The following AMMECR1L variants were observed in gnomAD, a reference collection of about 807,000 sequenced individuals.
AMMECR1L encodes the protein AMMECR1 like, also known as AMMECR1-like protein.
Under a neutral mutation model 36.8 loss-of-function variants are expected in AMMECR1L, and 4 were observed. That is an observed-to-expected ratio of 0.11 (90% CI 0.05 to 0.25). AMMECR1L has a LOEUF of 0.25. Among genes scored for constraint, AMMECR1L ranks in the 10% least tolerant of loss-of-function variants. The pLI is 1.00. For synonymous variants in AMMECR1L, 147 were observed against 148.0 expected (o/e 0.99, Z 0.05); for missense variants, 232 against 392.1 (o/e 0.59, Z 3.45).
intron 3 of AMMECR1L, among the ~76,000 whole-genome samples, chr2:127,872,630 C>G (rs1224606803): frequency 6.6e-6 from 1 of 152,196 alleles, no homozygotes; most frequent in Non-Finnish European, 1.5e-5. Flanking sequence ...CAATAAAGCA[C>G]CTGCACAGCA....
chr2:127,875,799 C>CTT lies in AMMECR1L; in HGVS notation c.-38-1528_-38-1527insAA, dbSNP rs1553490139. ...CCCCTCTCCTCTTCTCTCTCTCTCT[C>CTT]TCTTTTTCTTTAAGAGACAGGTCTC... is the stretch of plus-strand genomic sequence containing the variant. On this transcript the variant is annotated intron_variant, in intron 2 of 7. Coordinates refer to ENST00000272647, the MANE Select transcript of AMMECR1L (RefSeq NM_001199140.2). Among the ~76,000 whole-genome samples, 296 of 151,382 alleles carry CTT rather than the reference C, an allele frequency of 2.0e-3. 3 individuals are homozygous for CTT. Among genetic ancestry groups the CTT allele is most frequent in the African/African-American group, 6.9e-3 (284 of 41,218 alleles).
intron 5 of AMMECR1L, among the ~76,000 whole-genome samples, chr2:127,870,290 G>T (rs191395493): frequency 0.012 from 1,759 of 149,930 alleles, 20 homozygotes; most frequent in Non-Finnish European, 0.018. Context: ...CTCCAGCCTG[G>T]CGACAGAGCG....
rs1000280971 is a variant in AMMECR1L, at chr2:127,861,841, T to C, written c.*3253A>G. ...AGCTCCCTAGGCTCCAGAATCTCAA[T>C]AGAAAATAACGTCAACAGTTAGTGA... On this transcript the variant is annotated 3_prime_UTR_variant, in exon 8 of 8. Coordinates refer to ENST00000272647, the MANE Select transcript of AMMECR1L (RefSeq NM_001199140.2). 7 of 152,330 alleles carry C rather than the reference T, an allele frequency of 4.6e-5. No homozygotes were observed. The East Asian group carries it at 5.8e-4, about 13-fold the overall frequency. The allele number at this position is 152,330 out of a possible 1,614,324, so 9.4% of individuals were successfully genotyped here.
chr2:127,881,326 C>CTTTTTTTTTTTTTTTTT (rs1553491254), intron 2 of AMMECR1L, among the ~76,000 whole-genome samples: 1 of 150,592 alleles, frequency 6.6e-6, no homozygotes. Context: ...ATTGAGACTG[C>CTTTTTTTTTTTTTTTTT]TATTGACACA....
In AMMECR1L at chr2:127,872,458, G is replaced by T. The variant is rs569690271; in HGVS notation, c.408-1099C>A. ...CAGATTTTTTAGCAAGAGGTTTCAA[G>T]GCCTGTTCCCTCTTCCTGAAATCCC... On this transcript the variant is annotated intron_variant, in intron 3 of 7. Coordinates refer to ENST00000272647, the MANE Select transcript of AMMECR1L (RefSeq NM_001199140.2). 5.4e-4 allele frequency among the ~76,000 whole-genome samples: 82 copies of T among 152,270 alleles called. 1 individual carries two copies. Among genetic ancestry groups the T allele is most frequent in the Admixed American group, 2.3e-3 (35 of 15,300 alleles).
At chr2:127,870,758 T>C in intron 5 of AMMECR1L, 56 bp downstream of exon 5, 1 of 1,413,374 alleles carries the variant, frequency 7.1e-7, no homozygotes, top group Non-Finnish European at 9.8e-7. Flanking sequence ...TGCCATGTAC[T>C]AACCCGAACC....
intron 2 of AMMECR1L, among the ~76,000 whole-genome samples, chr2:127,883,120 CAG>C (rs1276386372): frequency 1.4e-5 from 2 of 142,866 alleles, no homozygotes; most frequent in South Asian, 4.5e-4. Context: ...TTTTTTTAGA[CAG>C]AGTCTCGCTC....
rs1221828560 is a variant in AMMECR1L, at chr2:127,864,853, A to G, written c.*241T>C. 1.5e-5 allele frequency: 5 copies of G among 335,798 alleles called. No homozygotes were observed. The highest frequency in any genetic ancestry group is 2.8e-5 in the Non-Finnish European group (5 of 181,352). The allele number at this position is 335,798 out of a possible 1,614,324, so 20.8% of individuals were successfully genotyped here. On this transcript the variant is annotated 3_prime_UTR_variant, in exon 8 of 8. Coordinates refer to ENST00000272647, the MANE Select transcript of AMMECR1L (RefSeq NM_001199140.2). ...TCCCACTAGTCATGGAGGAGCCCCAATCCAACGGAACCCCATATTGAGGAA... is the reference window on the plus strand; with the variant it reads ...TCCCACTAGTCATGGAGGAGCCCCAGTCCAACGGAACCCCATATTGAGGAA...
In AMMECR1L at chr2:127,870,803, G is replaced by A; in HGVS notation, c.633+11C>T. ...CGAGAGATGCAGAGTTCCAAATGCG[G>A]CTGTTCTCACCTCCCAGTCCAGGTA... On this transcript the variant is annotated intron_variant, in intron 5 of 7. Transcript: ENST00000272647. 1 of 1,600,304 alleles carries A rather than the reference G, an allele frequency of 6.2e-7. No homozygotes were observed. Among genetic ancestry groups the A allele is most frequent in the East Asian group, 2.2e-5 (1 of 44,820 alleles).
chr2:127,885,607 G>A, intron 1 of AMMECR1L: 2 of 981,868 alleles, frequency 2.0e-6, no homozygotes, highest in Non-Finnish European at 2.4e-6. Context: ...GCCCTCCGCT[G>A]GGACATGGCC....
At chr2:127,866,813 G>C (rs932072528) in intron 7 of AMMECR1L, 87 bp downstream of exon 7, 2 of 1,276,838 alleles carry the variant, frequency 1.6e-6, no homozygotes, top group Non-Finnish European at 2.2e-6. Context: ...CATTCACAGA[G>C]AACACTTCTT....
intron 2 of AMMECR1L, among the ~76,000 whole-genome samples, chr2:127,883,160 G>A (rs1476082551): frequency 2.7e-5 from 4 of 148,940 alleles, no homozygotes. Context: ...ACAGTGGCAT[G>A]ATCTCAGCTC....
At chr2:127,885,523 G>A (rs1157916065) in intron 1 of AMMECR1L, 1 of 984,634 alleles carries the variant, frequency 1.0e-6, no homozygotes. Flanking sequence ...ACAAGGACCA[G>A]GAGCGGGAGC....
chr2:127,879,983 A>G (rs1157379648), intron 2 of AMMECR1L, among the ~76,000 whole-genome samples: 1 of 152,224 alleles, frequency 6.6e-6, no homozygotes, highest in Non-Finnish European at 1.5e-5. Context: ...TGAGCATAGT[A>G]CAAATTACTG....
At chr2:127,877,553 C>G (rs1477408751) in intron 2 of AMMECR1L, among the ~76,000 whole-genome samples, 4 of 152,090 alleles carry the variant, frequency 2.6e-5, no homozygotes, top group African/African-American at 9.7e-5. Context: ...CCAGGCTGGT[C>G]TTGAACTCCT....
intron 2 of AMMECR1L, among the ~76,000 whole-genome samples, chr2:127,883,659 A>G (rs997025392): frequency 2.6e-5 from 4 of 152,236 alleles, no homozygotes; most frequent in Admixed American, 2.6e-4. Flanking sequence ...AAGAGGGCAC[A>G]GCAGTCATAA....
chr2:127,880,333 C>G (rs1443529499), intron 2 of AMMECR1L, among the ~76,000 whole-genome samples: 5 of 152,158 alleles, frequency 3.3e-5, no homozygotes, highest in Non-Finnish European at 7.4e-5. Flanking sequence ...CTAGTTAAAA[C>G]TAGGTTTCCA....
chr2:127,872,303 G>A (rs950144535), intron 3 of AMMECR1L, among the ~76,000 whole-genome samples: 3 of 152,010 alleles, frequency 2.0e-5, no homozygotes, highest in Non-Finnish European at 4.4e-5. Context: ...CTCCCGAAGT[G>A]CTGAGAGATT....
chr2:127,874,982 C>T lies in AMMECR1L; in HGVS notation c.-38-710G>A, dbSNP rs1691160247. Among the ~76,000 whole-genome samples the T allele has an allele frequency of 6.6e-6, 1 of 152,152 alleles. No homozygotes were observed. Among genetic ancestry groups the T allele is most frequent in the Non-Finnish European group, 1.5e-5 (1 of 68,022 alleles). On this transcript the variant is annotated intron_variant, in intron 2 of 7. Transcript: ENST00000272647. The surrounding 1 kb of genome is among the most constrained non-coding windows in gnomAD (Gnocchi z 5.2). Reference sequence around the variant, plus strand: ...CAGAAAACCTGCAACCTAGCAGAAACCTTTATTCACATGAATGACCCAAGC... The same window carrying T: ...CAGAAAACCTGCAACCTAGCAGAAATCTTTATTCACATGAATGACCCAAGC...
Sources: gnomAD v4.1 joint callset for allele counts (sites outside exome capture counted in the v4.1 genomes callset) on GRCh38, gnomAD v4.1.1 for gene constraint, Gnocchi (gnomAD v3.1) non-coding constraint, MANE v1.5 for transcripts, NCBI Gene and HGNC (gene_info 2026-07-23, HGNC 2026-07-21) for gene names.